RTKN2: variants seen among roughly 807,000 people sequenced by gnomAD.
RTKN2 encodes the protein rhotekin 2.
RTKN2 carries 69 observed loss-of-function variants against 71.5 expected under a neutral mutation model. That is an observed-to-expected ratio of 0.96 (90% CI 0.79 to 1.18). The LOEUF (loss-of-function observed/expected upper bound fraction) is 1.18, where lower values mean the gene tolerates loss of function less well. Among genes scored for constraint, RTKN2 ranks in the 50% most tolerant of loss-of-function variants. RTKN2 has a pLI of 0.00. For missense variants in RTKN2, 724 were observed against 719.7 expected (o/e 1.01, Z -0.07); for synonymous variants, 236 against 236.5 (o/e 1.00, Z 0.02).
chr10:62,265,826 G>A (rs1842859192), intron 1 of RTKN2, among the ~76,000 whole-genome samples: 1 of 152,106 alleles, frequency 6.6e-6, no homozygotes, highest in Non-Finnish European at 1.5e-5. Context: ...CATGTAATAA[G>A]GGTACCGATT....
chr10:62,226,864 G>C (rs1277829582), intron 6 of RTKN2, among the ~76,000 whole-genome samples: 2 of 152,224 alleles, frequency 1.3e-5, no homozygotes, highest in Non-Finnish European at 2.9e-5. Flanking sequence ...GGGAGGGTGA[G>C]GCAGGAGAAT....
chr10:62,239,768 G>A lies in RTKN2; in HGVS notation c.371-3C>T, dbSNP rs1842335356. ...AAAAATGGCATAGCGTCGTGATCCT[G>A]GAGGAAAAATAACAACATATTAAGC... On this transcript the variant is annotated splice_polypyrimidine_tract_variant and splice_region_variant and intron_variant, in intron 4 of 11. Coordinates refer to ENST00000373789, the MANE Select transcript of RTKN2 (RefSeq NM_145307.4). The A allele has an allele frequency of 2.0e-6, 3 of 1,479,402 alleles. No homozygotes were observed. In the South Asian group the frequency reaches 3.6e-5, roughly 18 times the overall value. 91.6% of individuals were successfully genotyped at this position (1,479,402 alleles called of 1,614,324 possible).
At chr10:62,233,665 G>A (rs2132966166) in intron 6 of RTKN2, among the ~76,000 whole-genome samples, 1 of 152,162 alleles carries the variant, frequency 6.6e-6, no homozygotes, top group South Asian at 2.1e-4. Flanking sequence ...AAATCTATCT[G>A]CTTACATAAC....
chr10:62,243,174 CT>C (rs1285538030), intron 3 of RTKN2, among the ~76,000 whole-genome samples: 1 of 140,682 alleles, frequency 7.1e-6, no homozygotes, highest in Non-Finnish European at 1.5e-5. Flanking sequence ...TGATGTTCCC[CT>C]TCCTGTGTCC....
chr10:62,242,415 A>G (rs1301602197), intron 3 of RTKN2, among the ~76,000 whole-genome samples: 3 of 152,108 alleles, frequency 2.0e-5, no homozygotes, highest in African/African-American at 7.2e-5. Context: ...TTATTCTTGA[A>G]TAATTAATAT....
intron 9 of RTKN2, among the ~76,000 whole-genome samples, chr10:62,213,789 T>C (rs1036150308): frequency 1.3e-5 from 2 of 152,132 alleles, no homozygotes; most frequent in Non-Finnish European, 2.9e-5. Context: ...GGTATGTATA[T>C]GGGCCATCAG....
chr10:62,203,608 G>A (rs1232445489), intron 10 of RTKN2, among the ~76,000 whole-genome samples: 1 of 152,226 alleles, frequency 6.6e-6, no homozygotes, highest in Non-Finnish European at 1.5e-5. Flanking sequence ...GCCTCCCAGA[G>A]TGCTGGGATT....
At chr10:62,187,172 A>G (rs1372790392) in intron 8 of RTKN2, among the ~76,000 whole-genome samples, 1 of 152,046 alleles carries the variant, frequency 6.6e-6, no homozygotes, top group African/African-American at 2.4e-5. Context: ...TACCAGGCAC[A>G]CTATTCTGAT....
Position 62,204,923 on chromosome 10 carries a change from C to T in RTKN2, c.1120G>A (p.Ala374Thr), listed in dbSNP as rs140987966. The change falls in exon 10 of 12, where the codon GCA becomes ACA. Residue 374 changes from alanine to threonine, a missense_variant. Physicochemically the swap from Ala to Thr is moderately conservative, Grantham distance 58 (BLOSUM62 0). Transcript: ENST00000373789. Reference protein sequence around the residue: ...VPGQAITQIFAVDNREDLQKW... With the variant: ...VPGQAITQIFTVDNREDLQKW... ...TGAAGATCTTCTCTATTGTCAACTG[C>T]AAAAATCTGAGTTATAGCTTGTCCA... The T allele has an allele frequency of 1.0e-5, 16 of 1,602,380 alleles. No individual in the cohort carries two copies. The African/African-American group carries it at 2.0e-4, about 20-fold the overall frequency.
chr10:62,235,665 GGTGTGTGTGT>G (rs549300762), intron 6 of RTKN2, among the ~76,000 whole-genome samples: 9 of 75,436 alleles, frequency 1.2e-4, no homozygotes, highest in Non-Finnish European at 1.8e-4. Context: ...ATATGTATAA[GGTGTGTGTGT>G]GTGTGTGTGT....
In RTKN2 at chr10:62,197,032, A is replaced by T. The variant is rs558048068; in HGVS notation, c.*876T>A. 48 of 975,448 alleles carry T rather than the reference A, an allele frequency of 4.9e-5. No individual in the cohort carries two copies. In the African/African-American group the frequency reaches 8.2e-4, roughly 17 times the overall value. The allele number at this position is 975,448 out of a possible 1,614,324, so 60.4% of individuals were successfully genotyped here. A position where few individuals can be genotyped will look rare whatever the true frequency, so the allele number is the denominator to read the frequency against. ...AATCTAATTAAAATTTTAAAAAAGA[A>T]TTCTGAAAATTATTTACCATGGCCA... On this transcript the variant is annotated 3_prime_UTR_variant, in exon 12 of 12. Coordinates refer to ENST00000373789, the MANE Select transcript of RTKN2 (RefSeq NM_145307.4).
chr10:62,195,826 G>C lies in RTKN2; in HGVS notation c.*2082C>G. The C allele has an allele frequency of 1.0e-6, 1 of 985,470 alleles. No homozygotes were observed. Among genetic ancestry groups the C allele is most frequent in the South Asian group, 4.7e-5 (1 of 21,290 alleles). 61.0% of individuals were successfully genotyped at this position (985,470 alleles called of 1,614,324 possible). A position where few individuals can be genotyped will look rare whatever the true frequency, so the allele number is the denominator to read the frequency against. On this transcript the variant is annotated 3_prime_UTR_variant, in exon 12 of 12. Coordinates refer to ENST00000373789, the MANE Select transcript of RTKN2 (RefSeq NM_145307.4). ...ATAATTTGGTGGGGAGGGGGTGGTG[G>C]TCCTTGCTCAGGCTTTTAAATGGTT...
chr10:62,262,650 G>C lies in RTKN2; in HGVS notation c.232C>G (p.Gln78Glu). 1 of 1,608,334 alleles carries C rather than the reference G, an allele frequency of 6.2e-7. No homozygotes were observed. Among genetic ancestry groups the C allele is most frequent in the Non-Finnish European group, 8.5e-7 (1 of 1,176,878 alleles). ...CATCTTCCAGTCTGATTTGCAATCT[G>C]TTCTTCTAATTTCTGTAGCTCCGAT... ...YTSELQKLEE[Q>E]IANQTGRCDV... Residue 78 changes from glutamine to glutamate, a missense_variant, in exon 2 of 12, where the codon CAG becomes GAG. Gln to Glu is a conservative substitution (Grantham distance 29, BLOSUM62 2). Coordinates refer to ENST00000373789, the MANE Select transcript of RTKN2 (RefSeq NM_145307.4).
chr10:62,199,856 A>G lies in RTKN2; in HGVS notation c.1192T>C (p.Trp398Arg). 1 of 1,606,644 alleles carries G rather than the reference A, an allele frequency of 6.2e-7. No individual in the cohort carries two copies. The highest frequency in any genetic ancestry group is 8.5e-7 in the Non-Finnish European group (1 of 1,173,446). Residue 398 changes from tryptophan (W) to arginine (R), a missense_variant, in exon 11 of 12, where the codon TGG (tryptophan) becomes CGG (arginine). Transcript: ENST00000373789. ...ATAAGTTCTTCACAACAGTGCTTCC[A>G]TTGGCCTAAGACAGACAGAAAAAAG... ...FWQHFFDLSQWKHCCEELMKI... is the reference protein window; with the variant it reads ...FWQHFFDLSQRKHCCEELMKI...
In RTKN2 at chr10:62,197,029, A is replaced by G; in HGVS notation, c.*879T>C. 1.0e-6 allele frequency: 1 copy of G among 975,760 alleles called. No individual in the cohort carries two copies. The highest frequency in any genetic ancestry group is 1.2e-6 in the Non-Finnish European group (1 of 821,194). The allele number at this position is 975,760 out of a possible 1,614,324, so 60.4% of individuals were successfully genotyped here. A position where few individuals can be genotyped will look rare whatever the true frequency, so the allele number is the denominator to read the frequency against. On this transcript the variant is annotated 3_prime_UTR_variant, in exon 12 of 12. Transcript: ENST00000373789. ...GGAAATCTAATTAAAATTTTAAAAA[A>G]GAATTCTGAAAATTATTTACCATGG...
At chr10:62,227,098 G>A (rs1842041891) in intron 6 of RTKN2, among the ~76,000 whole-genome samples, 1 of 152,122 alleles carries the variant, frequency 6.6e-6, no homozygotes, top group African/African-American at 2.4e-5. Flanking sequence ...CAATAAGTGG[G>A]GTGCCTTCAT....
chr10:62,212,370 AAAATAAAT>A (rs1010292658), intron 9 of RTKN2, among the ~76,000 whole-genome samples: 4 of 151,362 alleles, frequency 2.6e-5, no homozygotes, highest in African/African-American at 4.9e-5. Context: ...CTCTGTCTCA[AAAATAAAT>A]AAATAAATAA....
rs1041376377 is a variant in RTKN2 at position 62,195,431 on chromosome 10, T to C, written c.*2477A>G. ...TCTTTTGAAACACTCTTTGACACAG[T>C]GCTTAACTATTTTTAGATTTTTTTT... is the stretch of plus-strand genomic sequence containing the variant. On this transcript the variant is annotated 3_prime_UTR_variant, in exon 12 of 12. Transcript: ENST00000373789. 25 of 982,138 alleles carry C rather than the reference T, an allele frequency of 2.5e-5. No individual in the cohort carries two copies. Among genetic ancestry groups the C allele is most frequent in the Non-Finnish European group, 3.0e-5 (25 of 827,250 alleles). The allele number at this position is 982,138 out of a possible 1,614,324, so 60.8% of individuals were successfully genotyped here. A position where few individuals can be genotyped will look rare whatever the true frequency, so the allele number is the denominator to read the frequency against.
intron 6 of RTKN2, among the ~76,000 whole-genome samples, chr10:62,224,523 A>G (rs1194508771): frequency 2.0e-5 from 3 of 152,116 alleles, no homozygotes; most frequent in East Asian, 1.9e-4. Flanking sequence ...GCCAAGTCCA[A>G]TGCTAGGTGA....
Sources: allele counts gnomAD v4.1 joint callset (sites outside exome capture counted in the v4.1 genomes callset), GRCh38; gene constraint gnomAD v4.1.1; transcripts MANE v1.5; gene names NCBI Gene and HGNC (gene_info 2026-07-23, HGNC 2026-07-21).